USP37: variants seen among roughly 807,000 people sequenced by gnomAD.
USP37 encodes ubiquitin carboxyl-terminal hydrolase 37.
USP37 carries 27 observed loss-of-function variants against 124.0 expected under a neutral mutation model. The ratio of observed to expected loss-of-function variants is 0.22; its 90% confidence interval spans 0.16 to 0.30. The LOEUF is 0.30. USP37 is among the 10% of genes least tolerant of loss of function. The pLI, the probability that USP37 is intolerant of heterozygous loss-of-function variation, is 1.00. For synonymous variants in USP37, 365 were observed against 388.0 expected, an observed-to-expected ratio of 0.94 and a Z score of 0.70; for missense variants, 889 against 1,140.4, an observed-to-expected ratio of 0.78 and a Z score of 3.17.
At chr2:218,497,222 C>T (rs902309080) in intron 13 of USP37, among the ~76,000 whole-genome samples, 1 of 151,824 alleles carries the variant, frequency 6.6e-6, no homozygotes, top group African/African-American at 2.4e-5. Flanking sequence ...AGGCATGTGC[C>T]ACCATGCCCG....
chr2:218,555,703 T>A (rs1692930369), intron 4 of USP37, among the ~76,000 whole-genome samples: 1 of 152,250 alleles, frequency 6.6e-6, no homozygotes, highest in South Asian at 2.1e-4. Flanking sequence ...CACACAACTC[T>A]TCCTCTATCT....
At chr2:218,509,892 TGAC>T in intron 11 of USP37, 84 bp downstream of exon 11, 1 of 1,250,758 alleles carries the variant, frequency 8.0e-7, no homozygotes, top group Non-Finnish European at 1.1e-6. Flanking sequence ...AACTTTAATG[TGAC>T]TCCTTTAATT....
intron 15 of USP37, chr2:218,486,043 C>A: frequency 3.5e-6 from 1 of 286,230 alleles, no homozygotes; most frequent in Non-Finnish European, 6.4e-6. Flanking sequence ...GCCTTTTCCC[C>A]ATGGACACAT....
At chr2:218,551,168 T>C (rs1052017634) in intron 5 of USP37, among the ~76,000 whole-genome samples, 2 of 152,240 alleles carry the variant, frequency 1.3e-5, no homozygotes, top group African/African-American at 2.4e-5. Context: ...ATTAGTCTTT[T>C]GTCCACTGAT....
chr2:218,561,835 G>C (rs1283528489), intron 2 of USP37, among the ~76,000 whole-genome samples: 1 of 152,032 alleles, frequency 6.6e-6, no homozygotes, highest in Non-Finnish European at 1.5e-5. Flanking sequence ...CTGCTTACCT[G>C]TCTATTCCCA....
chr2:218,526,785 C>CTTCTT (rs1690991140), intron 10 of USP37, among the ~76,000 whole-genome samples: 1 of 75,920 alleles, frequency 1.3e-5, no homozygotes, highest in Non-Finnish European at 2.3e-5. Context: ...ATTTCATTTG[C>CTTCTT]TTTTTTTTTT....
At chr2:218,467,523 A>G (rs1031826902) in intron 20 of USP37, among the ~76,000 whole-genome samples, 11 of 151,824 alleles carry the variant, frequency 7.2e-5, no homozygotes, top group Non-Finnish European at 1.3e-4. Context: ...TAATTTTTGT[A>G]TTTTTAGTAG....
At chr2:218,484,345 G>A (rs564157432) in intron 16 of USP37, among the ~76,000 whole-genome samples, 48 of 152,020 alleles carry the variant, frequency 3.2e-4, no homozygotes, top group South Asian at 1.2e-3. Flanking sequence ...TCCTTGGCCC[G>A]GCGCGGTGGC....
chr2:218,488,550 T>C (rs1338541607), intron 14 of USP37, 129 bp from the exon 15 acceptor site: 12 of 589,140 alleles, frequency 2.0e-5, no homozygotes, highest in Admixed American at 1.4e-4. Flanking sequence ...AAGAACTATA[T>C]ACATTTAAGA....
At position 218,564,590 on chromosome 2, in the gene USP37, T is replaced by C. The variant is rs146892847; in HGVS notation, c.-229-1777A>G. Among the ~76,000 whole-genome samples, 244 of 152,350 alleles carry C rather than the reference T, an allele frequency of 1.6e-3. 1 individual carries two copies. Among genetic ancestry groups the C allele is most frequent in the African/African-American group, 5.5e-3 (230 of 41,588 alleles). On this transcript the variant is annotated intron_variant, in intron 1 of 25. Transcript: ENST00000258399. ...ATCCTTTCTAAAGAACTACTCTTTT[T>C]ACCACTTTTCAACTGAACTATGCAC...
chr2:218,459,961 T>C, intron 22 of USP37, 56 bp from the exon 23 acceptor site: 1 of 1,388,472 alleles, frequency 7.2e-7, no homozygotes, highest in Non-Finnish European at 1.0e-6. Context: ...ATGGACGTGG[T>C]GGCTCACACC....
intron 11 of USP37, among the ~76,000 whole-genome samples, chr2:218,504,460 C>CT (rs1300771239): frequency 6.6e-6 from 1 of 152,160 alleles, no homozygotes; most frequent in Non-Finnish European, 1.5e-5. Flanking sequence ...AGGTCTTGCT[C>CT]TGCCACTTAG....
chr2:218,544,406 AATATATATAT>A lies in USP37; in HGVS notation c.680+1805_680+1814del, dbSNP rs1198499526. On this transcript the variant is annotated intron_variant, in intron 8 of 25. Coordinates refer to ENST00000258399, the MANE Select transcript of USP37 (RefSeq NM_020935.3). ...TTTCACAAAAAAAAAAAAAAAAAAA[AATATATATAT>A]ATATATATATATATAGAGAGAGAGA... Among the ~76,000 whole-genome samples the A allele has an allele frequency of 4.1e-3, 344 of 82,914 alleles. 1 individual carries two copies. Among genetic ancestry groups the A allele is most frequent in the Non-Finnish European group, 5.8e-3 (292 of 50,688 alleles). The allele number at this position is 82,914 out of a possible 152,430, so 54.4% of individuals were successfully genotyped here. A position where few individuals can be genotyped will look rare whatever the true frequency, so the allele number is the denominator to read the frequency against.
At chr2:218,477,007 G>C in intron 18 of USP37, 26 bp from the exon 19 acceptor site, 1 of 1,442,060 alleles carries the variant, frequency 6.9e-7, no homozygotes, top group Non-Finnish European at 9.2e-7. Flanking sequence ...AAAAAAAAAA[G>C]CCTGATAAAC....
intron 24 of USP37, among the ~76,000 whole-genome samples, chr2:218,455,986 C>A (rs1027262324): frequency 6.6e-6 from 1 of 152,084 alleles, no homozygotes; most frequent in African/African-American, 2.4e-5. Context: ...GTGGAGGTTG[C>A]AGTGAACCGA....
chr2:218,528,715 C>A, intron 10 of USP37: 2 of 290,208 alleles, frequency 6.9e-6, no homozygotes, highest in South Asian at 5.6e-5. Flanking sequence ...ACATTTAAAA[C>A]CATCAACCCT....
chr2:218,537,486 G>A (rs1006251360), intron 8 of USP37, among the ~76,000 whole-genome samples: 2 of 152,214 alleles, frequency 1.3e-5, no homozygotes, highest in African/African-American at 4.8e-5. Flanking sequence ...ACTGACTACA[G>A]AGGCGTAACA....
At chr2:218,522,138 A>G (rs1690688287) in intron 10 of USP37, among the ~76,000 whole-genome samples, 1 of 151,672 alleles carries the variant, frequency 6.6e-6, no homozygotes, top group African/African-American at 2.4e-5. Context: ...GGCCTCCCAA[A>G]AGTGCTAGGA....
Position 218,530,027 on chromosome 2 carries a change from T to C in USP37, c.792A>G (p.Leu264=). Reference sequence around the variant, plus strand: ...TGCTACCATAAAAGGATGATGACTGTAAAGGTAAAAGCCCTATAAAACAAA... The same window carrying C: ...TGCTACCATAAAAGGATGATGACTGCAAAGGTAAAAGCCCTATAAAACAAA... The part of the protein sequence containing the change: ...EENRTSGLLP[L]QSSSFYGSRA... Residue 264 remains leucine (L), a synonymous_variant, in exon 10 of 26, where the codon TTA becomes TTG. Transcript: ENST00000258399. 3 of 1,610,086 alleles carry C rather than the reference T, an allele frequency of 1.9e-6. No individual in the cohort carries two copies. Among genetic ancestry groups the C allele is most frequent in the Non-Finnish European group, 2.5e-6 (3 of 1,178,986 alleles).
Sources: allele counts gnomAD v4.1 joint callset (sites outside exome capture counted in the v4.1 genomes callset), GRCh38; gene constraint gnomAD v4.1.1; transcripts MANE v1.5; gene names NCBI Gene and HGNC (gene_info 2026-07-23, HGNC 2026-07-21).